Variants in CNDP1 observed in about 807,000 individuals in gnomAD.
The protein encoded by CNDP1 is carnosine dipeptidase 1.
A neutral mutation model predicts 58.1 loss-of-function variants in CNDP1; 44 were observed. The observed-to-expected ratio is 0.76, with a 90% CI of 0.60 to 0.97. The LOEUF (loss-of-function observed/expected upper bound fraction) is 0.97, where lower values mean the gene tolerates loss of function less well. Among genes scored for constraint, CNDP1 ranks in the 50% least tolerant of loss-of-function variants. The pLI, the probability that CNDP1 is intolerant of heterozygous loss-of-function variation, is 0.00. For missense variants in CNDP1, 616 were observed against 655.1 expected (o/e 0.94, Z 0.65); for synonymous variants, 254 against 252.6 (o/e 1.01, Z -0.05).
intron 2 of CNDP1, 83 bp from the exon 3 acceptor site, chr18:74,559,240 G>A (rs778955871): frequency 2.7e-5 from 38 of 1,400,612 alleles, no homozygotes; most frequent in Non-Finnish European, 3.5e-5. Context: ...CTGGGGACTC[G>A]CTGTCTCCTG....
intron 1 of CNDP1, among the ~76,000 whole-genome samples, chr18:74,535,763 G>A (rs1568288903): frequency 6.6e-6 from 1 of 152,080 alleles, no homozygotes; most frequent in East Asian, 1.9e-4. Context: ...TGGGCATGGT[G>A]GCTTATGTCT....
chr18:74,583,684 A>G lies in CNDP1; in HGVS notation c.1433A>G (p.His478Arg), dbSNP rs1207647834. 3.7e-6 allele frequency: 6 copies of G among 1,614,218 alleles called. No homozygotes were observed. Among genetic ancestry groups the G allele is most frequent in the Non-Finnish European group, 4.2e-6 (5 of 1,180,032 alleles). ...IPLGAVDDGE[H>R]SQNEKINRWN... ...CTGGGAGCTGTTGATGATGGAGAAC[A>G]TTCGCAGAATGAGAAAATCAACAGG... The change falls in exon 11 of 12, where the codon CAT becomes CGT. Residue 478 changes from histidine (H) to arginine (R), a missense_variant. His to Arg is a conservative substitution (Grantham distance 29). Coordinates refer to ENST00000358821, the MANE Select transcript of CNDP1 (RefSeq NM_032649.6).
At chr18:74,568,905 C>T (rs1049733712) in intron 6 of CNDP1, among the ~76,000 whole-genome samples, 1 of 151,954 alleles carries the variant, frequency 6.6e-6, no homozygotes, top group Non-Finnish European at 1.5e-5. Flanking sequence ...GTTGAGGTTA[C>T]CCCAGAGGGT....
At chr18:74,572,251 A>C (rs1981497287) in intron 7 of CNDP1, among the ~76,000 whole-genome samples, 1 of 152,058 alleles carries the variant, frequency 6.6e-6, no homozygotes, top group African/African-American at 2.4e-5. Context: ...GCTCAGGCTC[A>C]ATTCACCTAC....
chr18:74,539,841 T>A (rs1220826742), intron 1 of CNDP1, among the ~76,000 whole-genome samples: 1 of 152,228 alleles, frequency 6.6e-6, no homozygotes, highest in Non-Finnish European at 1.5e-5. Flanking sequence ...TACCAACATG[T>A]GGCCCATCTT....
At chr18:74,544,459 G>A (rs1980705582) in intron 1 of CNDP1, among the ~76,000 whole-genome samples, 1 of 152,132 alleles carries the variant, frequency 6.6e-6, no homozygotes, top group Non-Finnish European at 1.5e-5. Context: ...ACTCATGCCT[G>A]TAATCCCAGC....
Position 74,586,093 on chromosome 18 carries a change from G to A in CNDP1, c.*1531G>A, listed in dbSNP as rs955785785. The A allele has an allele frequency of 4.6e-5, 7 of 150,572 alleles. No homozygotes were observed. Among genetic ancestry groups the A allele is most frequent in the African/African-American group, 1.5e-4 (6 of 40,860 alleles). 9.3% of individuals were successfully genotyped at this position (150,572 alleles called of 1,614,324 possible). A position where few individuals can be genotyped will look rare whatever the true frequency, so the allele number is the denominator to read the frequency against. On this transcript the variant is annotated 3_prime_UTR_variant, in exon 12 of 12. Transcript: ENST00000358821. ...GAGATGTCAGTGTCAGTTTAAAAAC[G>A]TGCTGTACCACCTTTAAAAGGACTG...
chr18:74,579,181 C>CCT (rs1568300897), intron 9 of CNDP1, among the ~76,000 whole-genome samples: 6 of 119,776 alleles, frequency 5.0e-5, no homozygotes, highest in Middle Eastern at 4.7e-3. Context: ...CTTCTCCCTT[C>CCT]TCCCTTTCCT....
chr18:74,566,456 C>T (rs749312298), intron 5 of CNDP1, among the ~76,000 whole-genome samples: 2 of 152,326 alleles, frequency 1.3e-5, no homozygotes, highest in East Asian at 3.9e-4. Flanking sequence ...CCCAAGTCAC[C>T]TCTTGAATGC....
intron 1 of CNDP1, among the ~76,000 whole-genome samples, chr18:74,546,495 G>A (rs1434775483): frequency 1.3e-5 from 2 of 152,142 alleles, no homozygotes; most frequent in Non-Finnish European, 2.9e-5. Context: ...ATGCGGTACT[G>A]TCTCGTGCCA....
In CNDP1 at chr18:74,586,475, T is replaced by A. The variant is rs535271469; in HGVS notation, c.*1913T>A. Reference sequence around the variant, plus strand: ...ATGTTAGTCCATTAACATAAGTTTATTATAAAATACACTGTAAGCATTTCT... The same window carrying A: ...ATGTTAGTCCATTAACATAAGTTTAATATAAAATACACTGTAAGCATTTCT... On this transcript the variant is annotated 3_prime_UTR_variant, in exon 12 of 12. Transcript: ENST00000358821. 5 of 152,324 alleles carry A rather than the reference T, an allele frequency of 3.3e-5. No individual in the cohort carries two copies. The highest frequency in any genetic ancestry group is 7.3e-5 in the Non-Finnish European group (5 of 68,034). The allele number at this position is 152,324 out of a possible 1,614,324, so 9.4% of individuals were successfully genotyped here. A position where few individuals can be genotyped will look rare whatever the true frequency, so the allele number is the denominator to read the frequency against.
chr18:74,535,439 G>A (rs1206947355), intron 1 of CNDP1, among the ~76,000 whole-genome samples: 2 of 152,220 alleles, frequency 1.3e-5, no homozygotes, highest in African/African-American at 4.8e-5. Flanking sequence ...GAGCAGGCAG[G>A]TGGTGACCTG....
chr18:74,571,170 T>A lies in CNDP1; in HGVS notation c.757-16T>A, dbSNP rs370699340. 6.4e-7 allele frequency: 1 copy of A among 1,573,016 alleles called. No individual in the cohort carries two copies. Among genetic ancestry groups the A allele is most frequent in the Non-Finnish European group, 8.8e-7 (1 of 1,142,822 alleles). On this transcript the variant is annotated splice_polypyrimidine_tract_variant and intron_variant, in intron 6 of 11. Coordinates refer to ENST00000358821, the MANE Select transcript of CNDP1 (RefSeq NM_032649.6). ...AAGGCAGGAAGTATATCTCTTACCT[T>A]TTATCTACTCTGCAGGTGAAATGCA...
At chr18:74,549,132 A>G (rs1980835299) in intron 1 of CNDP1, among the ~76,000 whole-genome samples, 3 of 152,124 alleles carry the variant, frequency 2.0e-5, no homozygotes, top group Admixed American at 2.0e-4. Flanking sequence ...TCTTGCTTTT[A>G]TTATTATTTT....
At position 74,545,702 on chromosome 18, in the gene CNDP1, G is replaced by A. The variant is rs780955193; in HGVS notation, c.25-10636G>A. ...TGCGGCCGGAACATCTTAATTTCAC[G>A]TGCTGCCCCCTGAGATTGTACAGTC... On this transcript the variant is annotated intron_variant, in intron 1 of 11. Coordinates refer to ENST00000358821, the MANE Select transcript of CNDP1 (RefSeq NM_032649.6). The surrounding 1 kb of genome is among the most constrained non-coding windows in gnomAD (Gnocchi z 4.1). Among the ~76,000 whole-genome samples, 1 of 151,804 alleles carries A rather than the reference G, an allele frequency of 6.6e-6. No homozygotes were observed. Among genetic ancestry groups the A allele is most frequent in the African/African-American group, 2.4e-5 (1 of 41,294 alleles).
rs1981686024 is a variant in CNDP1, at chr18:74,578,299, A to G, written c.1139A>G (p.His380Arg). The change falls in exon 9 of 12, where the codon CAC becomes CGC. Residue 380 changes from histidine (H) to arginine (R), a missense_variant. His to Arg is a conservative substitution (Grantham distance 29). Coordinates refer to ENST00000358821, the MANE Select transcript of CNDP1 (RefSeq NM_032649.6). ...IGKFSIRLVPHMNVSAVEKQV... is the reference protein window; with the variant it reads ...IGKFSIRLVPRMNVSAVEKQV... ...AAATTTTCAATCCGTCTAGTCCCTC[A>G]CATGAATGTGTCTGCGGTGGAAAAA... 6.2e-7 allele frequency: 1 copy of G among 1,611,648 alleles called. No homozygotes were observed. The highest frequency in any genetic ancestry group is 8.5e-7 in the Non-Finnish European group (1 of 1,179,172).
chr18:74,573,102 A>G (rs995503073), intron 7 of CNDP1, among the ~76,000 whole-genome samples: 4 of 152,068 alleles, frequency 2.6e-5, no homozygotes, highest in Non-Finnish European at 4.4e-5. Flanking sequence ...TTATCTATCC[A>G]TCTATCTTTC....
chr18:74,579,203 G>GCCTTGCCTTC (rs1468088543), intron 9 of CNDP1, among the ~76,000 whole-genome samples: 8 of 125,632 alleles, frequency 6.4e-5, no homozygotes, highest in South Asian at 2.6e-4. Flanking sequence ...CCCTTCCCTT[G>GCCTTGCCTTC]CCTTCCCTTC....
At chr18:74,567,509 T>C (rs1981362093) in intron 6 of CNDP1, 76 bp downstream of exon 6, 3 of 1,298,680 alleles carry the variant, frequency 2.3e-6, no homozygotes, top group East Asian at 2.3e-5. Context: ...TCTGGGATCT[T>C]GGAGAGGAAG....
Sources: gnomAD v4.1 joint callset for allele counts (sites outside exome capture counted in the v4.1 genomes callset) on GRCh38, gnomAD v4.1.1 for gene constraint, Gnocchi (gnomAD v3.1) non-coding constraint, MANE v1.5 for transcripts, NCBI Gene and HGNC (gene_info 2026-07-23, HGNC 2026-07-21) for gene names.